The following STAU2 variants were observed in gnomAD, a reference collection of about 807,000 sequenced individuals.
The protein encoded by STAU2 is double-stranded RNA-binding protein Staufen homolog 2.
In STAU2, 20 loss-of-function variants were observed where a neutral mutation model predicts 65.9. The ratio of observed to expected loss-of-function variants is 0.30; its 90% CI spans 0.21 to 0.44. The LOEUF (loss-of-function observed/expected upper bound fraction) is 0.44. STAU2 is among the 20% of genes least tolerant of loss of function. STAU2 has a pLI of 1.00. For missense variants in STAU2, 558 were observed against 683.9 expected, an observed-to-expected ratio of 0.82 and a Z score of 2.05; for synonymous variants, 232 against 233.9, an observed-to-expected ratio of 0.99 and a Z score of 0.07.
intron 13 of STAU2, among the ~76,000 whole-genome samples, chr8:73,469,535 G>A (rs1358762425): frequency 1.3e-5 from 2 of 151,796 alleles, no homozygotes; most frequent in African/African-American, 2.4e-5. Context: ...GTAAGGAGAC[G>A]GGACAGATGT....
chr8:73,598,479 G>A (rs756935215), intron 10 of STAU2, among the ~76,000 whole-genome samples: 29 of 152,044 alleles, frequency 1.9e-4, no homozygotes, highest in Admixed American at 7.9e-4. Flanking sequence ...CGCCCACCTC[G>A]GCCTCCCAAA....
chr8:73,717,398 A>G (rs1045396537), intron 3 of STAU2, among the ~76,000 whole-genome samples: 2 of 152,186 alleles, frequency 1.3e-5, no homozygotes, highest in African/African-American at 4.8e-5. Flanking sequence ...TTATAGTTTT[A>G]GGTTTTACAT....
intron 13 of STAU2, among the ~76,000 whole-genome samples, chr8:73,544,810 CTA>C (rs1254296540): frequency 6.6e-6 from 1 of 152,170 alleles, no homozygotes; most frequent in Non-Finnish European, 1.5e-5. Flanking sequence ...AAACATTTAA[CTA>C]TTTTTATAAG....
intron 13 of STAU2, among the ~76,000 whole-genome samples, chr8:73,548,430 A>G (rs1330326918): frequency 6.6e-6 from 1 of 152,124 alleles, no homozygotes; most frequent in African/African-American, 2.4e-5. Context: ...AACCTATACT[A>G]AGTCATATTG....
intron 11 of STAU2, among the ~76,000 whole-genome samples, chr8:73,587,744 T>C (rs1586066978): frequency 6.6e-6 from 1 of 152,176 alleles, no homozygotes; most frequent in South Asian, 2.1e-4. Context: ...AAACTACCCA[T>C]AGTGGTAAGT....
chr8:73,696,238 A>T (rs1819687217), intron 4 of STAU2, among the ~76,000 whole-genome samples: 1 of 152,342 alleles, frequency 6.6e-6, no homozygotes, highest in African/African-American at 2.4e-5. Flanking sequence ...GTCCCTTCAA[A>T]TTCCTGGGAA....
At chr8:73,638,724 C>T (rs922655937) in intron 6 of STAU2, among the ~76,000 whole-genome samples, 1 of 151,846 alleles carries the variant, frequency 6.6e-6, no homozygotes, top group Non-Finnish European at 1.5e-5. Context: ...TTTCTGAAAA[C>T]ATAAAAAATT....
At chr8:73,695,170 A>C (rs1446599857) in intron 4 of STAU2, among the ~76,000 whole-genome samples, 1 of 152,154 alleles carries the variant, frequency 6.6e-6, no homozygotes, top group African/African-American at 2.4e-5. Context: ...CCCTAACCCC[A>C]GGAAGTGCAA....
chr8:73,648,023 G>A (rs1265811858), intron 6 of STAU2, among the ~76,000 whole-genome samples: 1 of 152,146 alleles, frequency 6.6e-6, no homozygotes, highest in African/African-American at 2.4e-5. Flanking sequence ...TAACCAATGG[G>A]GGAGACTGAG....
intron 11 of STAU2, among the ~76,000 whole-genome samples, chr8:73,583,179 T>C (rs917498864): frequency 6.6e-6 from 1 of 151,538 alleles, no homozygotes; most frequent in Non-Finnish European, 1.5e-5. Context: ...CAGAGTCTCA[T>C]TCTGTCGCCC....
Position 73,420,553 on chromosome 8 carries a change from ATGC to A in STAU2, c.*816_*818del. On this transcript the variant is annotated 3_prime_UTR_variant, in exon 15 of 15. Coordinates refer to ENST00000524300, the MANE Select transcript of STAU2 (RefSeq NM_001164380.2). ...GAGGCAGTTACAAAAAACACTCTTG[ATGC>A]AAACCGTGAGTGGCTACAACACACG... is the stretch of plus-strand genomic sequence containing the variant. 9.3e-6 allele frequency: 2 copies of A among 215,040 alleles called. No homozygotes were observed. Among genetic ancestry groups the A allele is most frequent in the Non-Finnish European group, 9.7e-6 (1 of 102,982 alleles). 13.3% of individuals were successfully genotyped at this position (215,040 alleles called of 1,614,324 possible). A position where few individuals can be genotyped will look rare whatever the true frequency, so the allele number is the denominator to read the frequency against.
chr8:73,628,820 T>C (rs1050876667), intron 6 of STAU2, among the ~76,000 whole-genome samples: 1 of 152,226 alleles, frequency 6.6e-6, no homozygotes, highest in African/African-American at 2.4e-5. Flanking sequence ...GATGATTACG[T>C]TTGCACTAAA....
At chr8:73,660,444 T>C (rs975461277) in intron 6 of STAU2, among the ~76,000 whole-genome samples, 3 of 152,072 alleles carry the variant, frequency 2.0e-5, no homozygotes, top group African/African-American at 7.2e-5. Context: ...CAAGATTAAG[T>C]GGTGATCCCT....
At chr8:73,747,440 T>C, upstream of STAU2, 1 of 1,534,824 alleles carries the variant, frequency 6.5e-7, no homozygotes, top group Non-Finnish European at 8.7e-7. Context: ...CGCGCGACCA[T>C]CCCGCGTCTG....
Position 73,421,304 on chromosome 8 carries a change from C to A in STAU2, c.*68G>T. 7.3e-7 allele frequency: 1 copy of A among 1,360,956 alleles called. No homozygotes were observed. Among genetic ancestry groups the A allele is most frequent in the Non-Finnish European group, 1.0e-6 (1 of 987,678 alleles). The allele number at this position is 1,360,956 out of a possible 1,614,324, so 84.3% of individuals were successfully genotyped here. A position where few individuals can be genotyped will look rare whatever the true frequency, so the allele number is the denominator to read the frequency against. On this transcript the variant is annotated 3_prime_UTR_variant, in exon 15 of 15. Transcript: ENST00000524300. ...GGTATTAGTCATTCATTTCCCTGAACACAGACACCCTCATGCGTGCTGACA... is the reference window on the plus strand; with the variant it reads ...GGTATTAGTCATTCATTTCCCTGAAAACAGACACCCTCATGCGTGCTGACA...
intron 13 of STAU2, among the ~76,000 whole-genome samples, chr8:73,523,196 C>CAAAAA (rs763732188): frequency 9.8e-4 from 77 of 78,456 alleles, no homozygotes; most frequent in African/African-American, 2.3e-3. Context: ...ACTTTGTCTC[C>CAAAAA]AAAAAAAAAA....
intron 13 of STAU2, among the ~76,000 whole-genome samples, chr8:73,547,984 G>A (rs569986801): frequency 3.6e-4 from 48 of 133,688 alleles, no homozygotes; most frequent in African/African-American, 1.1e-3. Context: ...GTATTATAAG[G>A]CATCTAGACA....
At chr8:73,695,344 T>G (rs1234945266) in intron 4 of STAU2, among the ~76,000 whole-genome samples, 1 of 152,086 alleles carries the variant, frequency 6.6e-6, no homozygotes, top group Non-Finnish European at 1.5e-5. Flanking sequence ...AAGATAACAT[T>G]TGTAGACACA....
intron 13 of STAU2, among the ~76,000 whole-genome samples, chr8:73,496,584 T>C (rs1266915520): frequency 6.6e-6 from 1 of 151,702 alleles, no homozygotes; most frequent in Non-Finnish European, 1.5e-5. Context: ...ACCAGCACAG[T>C]CCAACAGAAA....
Sources: gnomAD v4.1 joint callset for allele counts (sites outside exome capture counted in the v4.1 genomes callset) on GRCh38, gnomAD v4.1.1 for gene constraint, MANE v1.5 for transcripts, NCBI Gene and HGNC (gene_info 2026-07-23, HGNC 2026-07-21) for gene names.